The following PRKD2 variants were observed in gnomAD, a reference collection of about 807,000 sequenced individuals.
The protein encoded by PRKD2 is protein kinase D2, also known as serine/threonine-protein kinase D2.
A neutral mutation model predicts 86.0 loss-of-function variants in PRKD2; 22 were observed. That is an observed-to-expected ratio of 0.26 (90% CI 0.18 to 0.37). The LOEUF is 0.37. Among genes scored for constraint, PRKD2 ranks in the 10% least tolerant of loss-of-function variants. The pLI, the probability that PRKD2 is intolerant of heterozygous loss-of-function variation, is 1.00. For missense variants in PRKD2, 818 were observed against 1,199.2 expected (o/e 0.68, Z 4.70); for synonymous variants, 509 against 510.9 (o/e 1.00, Z 0.05).
intron 14 of PRKD2, among the ~76,000 whole-genome samples, chr19:46,688,500 G>A (rs1036558349): frequency 1.4e-5 from 2 of 146,498 alleles, no homozygotes; most frequent in African/African-American, 2.5e-5. Context: ...ACAATGGCAC[G>A]ATCTCAGCTC....
rs753519006 is a variant in PRKD2 at position 46,675,023 on chromosome 19, C to A, written c.2424+10G>T. On this transcript the variant is annotated intron_variant, in intron 17 of 17. Coordinates refer to ENST00000291281, the MANE Select transcript of PRKD2 (RefSeq NM_016457.5). ...TCCAGCCAATGGGCCAGCCCTGCCC[C>A]CTGCATCACCTGTAACCAGGGGTGG... The A allele has an allele frequency of 1.3e-5, 21 of 1,600,150 alleles. No individual in the cohort carries two copies. The highest frequency in any genetic ancestry group is 1.8e-5 in the Non-Finnish European group (21 of 1,171,720).
intron 3 of PRKD2, among the ~76,000 whole-genome samples, chr19:46,707,136 C>T (rs2053725130): frequency 6.6e-6 from 1 of 152,106 alleles, no homozygotes; most frequent in African/African-American, 2.4e-5. Flanking sequence ...TCATGATCCG[C>T]CCGCCTTGGC....
chr19:46,680,927 T>TAA (rs2122570282), intron 15 of PRKD2, among the ~76,000 whole-genome samples: 1 of 66,592 alleles, frequency 1.5e-5, no homozygotes, highest in East Asian at 4.0e-4. Context: ...GGATAAACTA[T>TAA]ATATATATAT....
chr19:46,692,766 C>T (rs535148873), intron 10 of PRKD2, among the ~76,000 whole-genome samples: 1 of 152,336 alleles, frequency 6.6e-6, no homozygotes, highest in East Asian at 1.9e-4. Flanking sequence ...GCCTCAAATA[C>T]AGCAAACTCT....
chr19:46,678,501 G>C lies in PRKD2; in HGVS notation c.2233C>G (p.Leu745Val). 4 of 1,614,242 alleles carry C rather than the reference G, an allele frequency of 2.5e-6. No individual in the cohort carries two copies. The highest frequency in any genetic ancestry group is 3.4e-6 in the Non-Finnish European group (4 of 1,180,040). Residue 745 changes from leucine (L) to valine (V), a missense_variant, in exon 16 of 18, where the codon CTC (leucine) becomes GTC (valine). Physicochemically the swap from Leu to Val is conservative, Grantham distance 32. Around this residue, in one of 5 missense-constraint regions of PRKD2, gnomAD observed 154 missense variants for 359.6 expected, o/e 0.43. Transcript: ENST00000291281. This position sits in a 1 kb window ranked among gnomAD's most constrained non-coding sequence, Gnocchi z 5.7. The part of the protein sequence containing the change: ...WSVGVIMYVS[L>V]SGTFPFNEDE... The stretch of plus-strand genomic sequence containing the variant: ...TCGTTGAAAGGGAAGGTGCCGCTGA[G>C]GCTGACGTACATGATCACGCCCACT...
At chr19:46,681,583 T>TACCCCCCCCC in intron 15 of PRKD2, 67 bp downstream of exon 15, 1 of 671,504 alleles carries the variant, frequency 1.5e-6, no homozygotes, top group Non-Finnish European at 2.6e-6. Context: ...ATAATCCCCT[T>TACCCCCCCCC]CCCCACCCCC....
Position 46,681,709 on chromosome 19 carries a change from C to T in PRKD2, c.2011G>A (p.Val671Ile). The change falls in exon 15 of 18, where the codon GTC becomes ATC. Residue 671 changes from valine to isoleucine, a missense_variant. Val to Ile is a conservative substitution (Grantham distance 29, BLOSUM62 3). Transcript: ENST00000291281. ...ALRHLHFKNI[V>I]HCDLKPENVL... ...TTTTCTGGTTTCAAGTCACAGTGGACAATGTTCTTGAAGTGAAGGTGTCTC... is the reference window on the plus strand; with the variant it reads ...TTTTCTGGTTTCAAGTCACAGTGGATAATGTTCTTGAAGTGAAGGTGTCTC... 6.2e-7 allele frequency: 1 copy of T among 1,609,748 alleles called. No individual in the cohort carries two copies. The highest frequency in any genetic ancestry group is 8.5e-7 in the Non-Finnish European group (1 of 1,177,480).
Position 46,716,303 on chromosome 19 carries a change from G to C in PRKD2, c.68C>G (p.Pro23Arg). 6.5e-7 allele frequency: 1 copy of C among 1,528,922 alleles called. No individual in the cohort carries two copies. The highest frequency in any genetic ancestry group is 1.2e-5 in the South Asian group (1 of 81,530). The allele number at this position is 1,528,922 out of a possible 1,614,324, so 94.7% of individuals were successfully genotyped here. ...GSPGPGSPPP[P>R]GGLELQSPPP... ...CGGCGACTGCAGCTCTAGGCCGCCG[G>C]GGGGCGGAGGAGACCCCGGCCCGGG... is the stretch of plus-strand genomic sequence containing the variant. Residue 23 changes from proline to arginine, a missense_variant, in exon 1 of 18, where the codon CCC becomes CGC. By Grantham distance (103) the Pro-to-Arg change is moderately radical. Coordinates refer to ENST00000291281, the MANE Select transcript of PRKD2 (RefSeq NM_016457.5). The surrounding 1 kb of genome is among the most constrained non-coding windows in gnomAD (Gnocchi z 7.9).
intron 5 of PRKD2, among the ~76,000 whole-genome samples, chr19:46,703,961 AC>A (rs1253539982): frequency 8.5e-4 from 81 of 95,136 alleles, no homozygotes; most frequent in Middle Eastern, 4.4e-3. Context: ...CAACAACAAC[AC>A]ACACACACAC....
chr19:46,706,686 A>G lies in PRKD2; in HGVS notation c.512-2037T>C, dbSNP rs567476530. Among the ~76,000 whole-genome samples the G allele has an allele frequency of 7.2e-5, 11 of 152,236 alleles. No individual in the cohort carries two copies. In the South Asian group the frequency reaches 2.3e-3, roughly 32 times the overall value. On this transcript the variant is annotated intron_variant, in intron 3 of 17. Transcript: ENST00000291281. The stretch of plus-strand genomic sequence containing the variant: ...AAGTCTGTGCTGATAACCCATTAGG[A>G]CTTGATGACACCAGGGCTGTATCAT...
chr19:46,701,291 G>A (rs1455986015), intron 5 of PRKD2, among the ~76,000 whole-genome samples, 179 bp from the exon 6 acceptor site: 1 of 151,530 alleles, frequency 6.6e-6, no homozygotes, highest in African/African-American at 2.4e-5. Context: ...CCCAACCATC[G>A]GGGGGGTCTT....
At chr19:46,697,917 G>T (rs1455284127) in intron 7 of PRKD2, 67 bp from the exon 8 acceptor site, 7 of 1,283,366 alleles carry the variant, frequency 5.5e-6, no homozygotes, top group Non-Finnish European at 6.8e-6. Flanking sequence ...GGGAATGCAG[G>T]GGGCATCTCT....
intron 9 of PRKD2, among the ~76,000 whole-genome samples, chr19:46,694,813 G>A (rs986959074): frequency 2.0e-5 from 3 of 151,376 alleles, no homozygotes; most frequent in Non-Finnish European, 4.4e-5. Context: ...GTGGTGGCTC[G>A]TGCCTGTACT....
Position 46,700,907 on chromosome 19 carries a change from C to A in PRKD2, c.1013G>T (p.Ser338Ile). The change falls in exon 7 of 18, where the codon AGC becomes ATC. Residue 338 changes from serine to isoleucine, a missense_variant. Physicochemically the swap from Ser to Ile is moderately radical, Grantham distance 142. Around this residue, in one of 5 missense-constraint regions of PRKD2, gnomAD observed 403 missense variants for 518.6 expected, o/e 0.78. Coordinates refer to ENST00000291281, the MANE Select transcript of PRKD2 (RefSeq NM_016457.5). The stretch of plus-strand genomic sequence containing the variant: ...GTCCTCTGACTCATCCATGAGGGCG[C>A]TCTTGTCAGCCTCGCTGAAATCGGT... ...EATDFSEADK[S>I]ALMDESEDSG... is the part of the protein sequence containing the mutation. The A allele has an allele frequency of 1.9e-6, 3 of 1,614,248 alleles. No individual in the cohort carries two copies. The highest frequency in any genetic ancestry group is 2.5e-6 in the Non-Finnish European group (3 of 1,180,032).
At chr19:46,674,825 A>G in intron 17 of PRKD2, 90 bp from the exon 18 acceptor site, 1 of 1,397,186 alleles carries the variant, frequency 7.2e-7, no homozygotes, top group Non-Finnish European at 9.7e-7. Flanking sequence ...CTGGGTACCA[A>G]TGAAGGTGAA....
intron 14 of PRKD2, among the ~76,000 whole-genome samples, chr19:46,683,610 C>T (rs1171510300): frequency 1.3e-5 from 2 of 151,768 alleles, no homozygotes; most frequent in Admixed American, 6.6e-5. Context: ...CCCAGCTACT[C>T]GGGAGGCTGA....
At chr19:46,685,837 T>C (rs1057351573) in intron 14 of PRKD2, 1 of 152,320 alleles carries the variant, frequency 6.6e-6, no homozygotes, top group Non-Finnish European at 1.5e-5. Context: ...TAATCCCAGC[T>C]ACTCGGGAGG....
chr19:46,700,565 G>A (rs916271938), intron 7 of PRKD2, among the ~76,000 whole-genome samples: 4 of 152,094 alleles, frequency 2.6e-5, no homozygotes, highest in Non-Finnish European at 4.4e-5. Flanking sequence ...CCAGGTGGTC[G>A]AGGCTGCAGT....
At chr19:46,708,477 C>T (rs1374235106) in intron 3 of PRKD2, among the ~76,000 whole-genome samples, 1 of 151,950 alleles carries the variant, frequency 6.6e-6, no homozygotes, top group Non-Finnish European at 1.5e-5. Context: ...ACCACCATGC[C>T]TGGCCAATTT....
Sources: gnomAD v4.1 joint callset for allele counts (sites outside exome capture counted in the v4.1 genomes callset) on GRCh38, gnomAD v4.1.1 for gene constraint, gnomAD v4.1.1 regional missense constraint, Gnocchi (gnomAD v3.1) non-coding constraint, MANE v1.5 for transcripts, NCBI Gene and HGNC (gene_info 2026-07-23, HGNC 2026-07-21) for gene names.